Variants in ACOT1 observed in about 807,000 individuals in gnomAD.
ACOT1 encodes acyl-CoA thioesterase 1.
In ACOT1, 8 loss-of-function variants were observed where a neutral mutation model predicts 15.7. The observed-to-expected ratio is 0.51, with a 90% CI of 0.30 to 0.92. The LOEUF is 0.92. Ranked by LOEUF, ACOT1 falls within the 40% of genes least tolerant of loss-of-function variation. ACOT1 has a pLI of 0.06. For missense variants in ACOT1, 151 were observed against 539.4 expected (o/e 0.28, Z 7.13); for synonymous variants, 67 against 241.2 (o/e 0.28, Z 6.69).
chr14:73,495,412 AAAAAC>A, the ACOT1 span: 85 of 1,598,104 alleles, frequency 5.3e-5, no homozygotes, highest in Middle Eastern at 2.0e-3. Context: ...ATAATGTTTG[AAAAAC>A]AAAACAAAAC....
chr14:73,536,304 GA>G (rs555784262), upstream of ACOT1, among the ~76,000 whole-genome samples: 14 of 99,644 alleles, frequency 1.4e-4, 1 homozygote, highest in Non-Finnish European at 1.3e-4. Context: ...TAAGTTTGAT[GA>G]AAAAAAAAAA....
chr14:73,519,200 C>A, the ACOT1 span: 1 of 1,585,992 alleles, frequency 6.3e-7, no homozygotes, highest in Non-Finnish European at 8.6e-7. Flanking sequence ...TCCCCTATAA[C>A]CTCCCTATTT....
chr14:73,493,995 C>T, the ACOT1 span, among the ~76,000 whole-genome samples: 1 of 152,170 alleles, frequency 6.6e-6, no homozygotes, highest in Non-Finnish European at 1.5e-5. Flanking sequence ...TGTTTTTGCT[C>T]ACTGTTTGCT....
chr14:73,492,583 TG>T, the ACOT1 span: 1 of 1,613,906 alleles, frequency 6.2e-7, no homozygotes, highest in Non-Finnish European at 8.5e-7. This position sits in a 1 kb window ranked among gnomAD's most constrained non-coding sequence, Gnocchi z 4.9. Context: ...GGGCACTAAG[TG>T]TTTACGGGCT....
At position 73,543,682 on chromosome 14, in the gene ACOT1, G is replaced by C. The variant is rs537891117; in HGVS notation, c.*27G>C. 3,368 of 701,020 alleles carry C rather than the reference G, an allele frequency of 4.8e-3. 639 individuals are homozygous for C. In the African/African-American group the frequency reaches 0.057, roughly 12 times the overall value. 43.4% of individuals were successfully genotyped at this position (701,020 alleles called of 1,614,324 possible). On this transcript the variant is annotated 3_prime_UTR_variant, in exon 3 of 3. Transcript: ENST00000311148. ...TTTTATTTGATCATGTGGCCTCTCTGTTGCTAATCTCTCCTGGAAACATCT... is the reference window on the plus strand; with the variant it reads ...TTTTATTTGATCATGTGGCCTCTCTCTTGCTAATCTCTCCTGGAAACATCT...
the ACOT1 span, among the ~76,000 whole-genome samples, chr14:73,521,638 C>T: frequency 6.6e-6 from 1 of 152,202 alleles, no homozygotes; most frequent in Non-Finnish European, 1.5e-5. Flanking sequence ...CTCCAGTCTT[C>T]CCTCTAGCTA....
the ACOT1 span, chr14:73,491,215 G>C: frequency 6.3e-7 from 1 of 1,591,926 alleles, no homozygotes; most frequent in Non-Finnish European, 8.6e-7. Flanking sequence ...CGGAGGAATC[G>C]AGGGTGGAGT....
the ACOT1 span, chr14:73,495,149 C>G: frequency 3.8e-6 from 5 of 1,322,416 alleles, no homozygotes; most frequent in African/African-American, 5.9e-5. Flanking sequence ...AGGCTTGCTA[C>G]TAAGTCCCAA....
At chr14:73,532,998 TA>T (rs1283678652), upstream of ACOT1, among the ~76,000 whole-genome samples, 1 of 112,606 alleles carries the variant, frequency 8.9e-6, no homozygotes, top group African/African-American at 2.9e-5. Context: ...AAGTAAAGAC[TA>T]AAAAAATTAA....
At chr14:73,519,217 T>A in the ACOT1 span, 1 of 1,542,472 alleles carries the variant, frequency 6.5e-7, no homozygotes, top group Non-Finnish European at 8.8e-7. Context: ...ATTTCCTTTC[T>A]CCCTGGGTTC....
At chr14:73,499,049 T>G in the ACOT1 span, 1 of 1,604,600 alleles carries the variant, frequency 6.2e-7, no homozygotes, top group East Asian at 2.2e-5. Flanking sequence ...TTGAAGAGTT[T>G]GGGGCACTAC....
At chr14:73,522,925 C>G in the ACOT1 span, 4 of 1,614,222 alleles carry the variant, frequency 2.5e-6, no homozygotes, top group Non-Finnish European at 3.4e-6. Context: ...GCCACACCAC[C>G]TCCTGAGAGA....
intron 1 of ACOT1, chr14:73,539,548 T>G (rs1017651627): frequency 8.6e-6 from 1 of 116,254 alleles, no homozygotes; most frequent in African/African-American, 2.8e-5. Context: ...TGCAAGGCCC[T>G]CTGGGGTTGG....
the ACOT1 span, chr14:73,492,210 A>G: frequency 2.5e-6 from 4 of 1,613,806 alleles, no homozygotes; most frequent in Non-Finnish European, 3.4e-6. This position sits in a 1 kb window ranked among gnomAD's most constrained non-coding sequence, Gnocchi z 4.9. Flanking sequence ...GATTTGCTGT[A>G]TTTTCCTCGG....
At chr14:73,493,219 A>G in the ACOT1 span, 2 of 1,002,824 alleles carry the variant, frequency 2.0e-6, no homozygotes, top group Non-Finnish European at 3.2e-6. Context: ...TTCAGGCTTC[A>G]GTGTACTGGG....
At chr14:73,493,298 G>A in the ACOT1 span, 1 of 586,078 alleles carries the variant, frequency 1.7e-6, no homozygotes, top group Non-Finnish European at 3.1e-6. Context: ...TCTTTCATCT[G>A]AGTTCTTTTT....
the ACOT1 span, chr14:73,522,235 A>G: frequency 3.8e-6 from 6 of 1,587,462 alleles, no homozygotes; most frequent in Non-Finnish European, 5.1e-6. Flanking sequence ...GGAGTCAGGG[A>G]TTATCAAAGG....
At chr14:73,524,310 A>AAAAAAAATATATATATATATATAT in the ACOT1 span, among the ~76,000 whole-genome samples, 1 of 54,780 alleles carries the variant, frequency 1.8e-5, no homozygotes, top group Non-Finnish European at 3.1e-5. Context: ...AAAAAAAAAA[A>AAAAAAAATATATATATATATATAT]ATATATATAT....
At chr14:73,508,397 C>T in the ACOT1 span, 1 of 903,126 alleles carries the variant, frequency 1.1e-6, no homozygotes, top group Non-Finnish European at 1.8e-6. Context: ...CCTGATATCT[C>T]ACTTCCTTGT....
Sources: allele counts gnomAD v4.1 joint callset (sites outside exome capture counted in the v4.1 genomes callset), GRCh38; gene constraint gnomAD v4.1.1; non-coding constraint Gnocchi (gnomAD v3.1); transcripts MANE v1.5; gene names NCBI Gene and HGNC (gene_info 2026-07-23, HGNC 2026-07-21).